Variants in PIK3CA observed in about 807,000 individuals in gnomAD.
The protein encoded by PIK3CA is phosphatidylinositol-4,5-bisphosphate 3-kinase catalytic subunit alpha, also known as phosphatidylinositol 4,5-bisphosphate 3-kinase catalytic subunit alpha isoform.
A neutral mutation model predicts 138.2 loss-of-function variants in PIK3CA; 27 were observed. The ratio of observed to expected loss-of-function variants is 0.20; its 90% confidence interval spans 0.14 to 0.27. PIK3CA has a LOEUF of 0.27. Ranked by LOEUF, PIK3CA falls within the 10% of genes least tolerant of loss-of-function variation. PIK3CA has a pLI of 1.00. For synonymous variants in PIK3CA, 358 were observed against 413.2 expected, an observed-to-expected ratio of 0.87 and a Z score of 1.62; for missense variants, 544 against 1,277.4, an observed-to-expected ratio of 0.43 and a Z score of 8.75.
chr3:179,211,170 G>C (rs1255298834), intron 9 of PIK3CA, among the ~76,000 whole-genome samples: 1 of 151,988 alleles, frequency 6.6e-6, no homozygotes, highest in African/African-American at 2.4e-5. Flanking sequence ...ATTATAAAAA[G>C]TTAAAATTTA....
chr3:179,154,709 A>T (rs1194008926), intron 1 of PIK3CA, among the ~76,000 whole-genome samples: 5 of 152,222 alleles, frequency 3.3e-5, no homozygotes, highest in African/African-American at 1.2e-4. Flanking sequence ...CACAAGTTGC[A>T]TAAAACTAGG....
intron 1 of PIK3CA, among the ~76,000 whole-genome samples, chr3:179,181,762 A>G (rs770757805): frequency 6.6e-6 from 1 of 152,186 alleles, no homozygotes; most frequent in Non-Finnish European, 1.5e-5. Context: ...TAAAGCACCT[A>G]TCAAAAGAGT....
intron 1 of PIK3CA, among the ~76,000 whole-genome samples, chr3:179,189,842 A>C (rs1462289987): frequency 6.6e-6 from 1 of 152,226 alleles, no homozygotes; most frequent in Non-Finnish European, 1.5e-5. Flanking sequence ...TCTCTCTAAA[A>C]GTGTGAGTTA....
intron 1 of PIK3CA, among the ~76,000 whole-genome samples, chr3:179,162,267 G>C (rs1233318836): frequency 6.6e-6 from 1 of 151,974 alleles, no homozygotes; most frequent in African/African-American, 2.4e-5. Flanking sequence ...GCCATATTAA[G>C]CCATCTTTGC....
intron 1 of PIK3CA, among the ~76,000 whole-genome samples, chr3:179,182,126 C>G (rs527368995): frequency 6.6e-6 from 1 of 152,138 alleles, no homozygotes. Context: ...AACTTTCTTA[C>G]GTCTTCCTCT....
chr3:179,196,619 G>T (rs1724271508), intron 1 of PIK3CA, among the ~76,000 whole-genome samples: 1 of 152,000 alleles, frequency 6.6e-6, no homozygotes, highest in African/African-American at 2.4e-5. Context: ...TTTTCGTGGG[G>T]GCTAAAAAGG....
intron 2 of PIK3CA, 63 bp from the exon 3 acceptor site, chr3:179,199,627 A>G (rs1197847767): frequency 1.6e-6 from 2 of 1,239,920 alleles, no homozygotes; most frequent in Admixed American, 4.0e-5. Context: ...CTGTTTGCAA[A>G]AAAAACATGT....
intron 1 of PIK3CA, among the ~76,000 whole-genome samples, chr3:179,194,421 T>G (rs1046103462): frequency 1.3e-5 from 2 of 152,036 alleles, no homozygotes; most frequent in African/African-American, 2.4e-5. Flanking sequence ...GATGGGGTCT[T>G]GAGCCCAGGC....
intron 1 of PIK3CA, chr3:179,149,574 A>G (rs563467189): frequency 1.3e-5 from 2 of 152,248 alleles, no homozygotes; most frequent in Non-Finnish European, 2.9e-5. Flanking sequence ...CATATTCTTT[A>G]ATGAATTAGA....
intron 6 of PIK3CA, among the ~76,000 whole-genome samples, chr3:179,204,826 C>G (rs1378212493): frequency 2.0e-5 from 3 of 151,114 alleles, no homozygotes; most frequent in Non-Finnish European, 4.4e-5. Flanking sequence ...TGAGACCAGT[C>G]TGGCCAAGAT....
intron 1 of PIK3CA, among the ~76,000 whole-genome samples, chr3:179,197,967 G>C (rs1337637187): frequency 1.3e-5 from 2 of 152,166 alleles, no homozygotes; most frequent in Non-Finnish European, 1.5e-5. Flanking sequence ...CTAACAGAGA[G>C]AGTCATGGAT....
rs2108413021 is a variant in PIK3CA at position 179,220,924 on chromosome 3, A to T, written c.2016-62A>T. ...TGAGTGTTTAAATTGTTTAGCAAAGATTATTTGTATACTGATTTAAGACTA... is the reference window on the plus strand; with the variant it reads ...TGAGTGTTTAAATTGTTTAGCAAAGTTTATTTGTATACTGATTTAAGACTA... On this transcript the variant is annotated intron_variant, in intron 13 of 20. Transcript: ENST00000263967. This position sits in a 1 kb window ranked among gnomAD's most constrained non-coding sequence, Gnocchi z 4.1. 1 of 964,542 alleles carries T rather than the reference A, an allele frequency of 1.0e-6. No individual in the cohort carries two copies. Among genetic ancestry groups the T allele is most frequent in the Non-Finnish European group, 1.4e-6 (1 of 689,816 alleles). The allele number at this position is 964,542 out of a possible 1,614,324, so 59.7% of individuals were successfully genotyped here.
intron 1 of PIK3CA, among the ~76,000 whole-genome samples, chr3:179,171,891 A>G (rs1282952067): frequency 6.6e-6 from 1 of 152,148 alleles, no homozygotes. Flanking sequence ...TTATGAGGAC[A>G]GTATTACTAG....
chr3:179,179,341 A>G (rs1275583064), intron 1 of PIK3CA, among the ~76,000 whole-genome samples: 2 of 152,196 alleles, frequency 1.3e-5, no homozygotes, highest in African/African-American at 2.4e-5. Flanking sequence ...ATGAATCCCA[A>G]CCTGTTGCAC....
intron 6 of PIK3CA, among the ~76,000 whole-genome samples, chr3:179,207,549 C>CT (rs199712520): frequency 0.043 from 6,083 of 141,370 alleles, 133 homozygotes; most frequent in Non-Finnish European, 0.049. Context: ...TTTTTCTTTT[C>CT]TTTTTTTTTT....
At chr3:179,210,129 T>C in intron 7 of PIK3CA, 57 bp from the exon 8 acceptor site, 1 of 1,306,760 alleles carries the variant, frequency 7.7e-7, no homozygotes, top group Non-Finnish European at 1.1e-6. Context: ...GGAAGAAAAG[T>C]GTTTTGAAAT....
chr3:179,230,520 C>T lies in PIK3CA; in HGVS notation c.2936+144C>T, dbSNP rs971266482. 2.7e-5 allele frequency: 18 copies of T among 666,976 alleles called. No homozygotes were observed. Among genetic ancestry groups the T allele is most frequent in the Middle Eastern group, 4.2e-4 (1 of 2,356 alleles). 41.3% of individuals were successfully genotyped at this position (666,976 alleles called of 1,614,324 possible). ...CTGTAATCCCAACTCTTTGGGAGGC[C>T]GAGGCTGGAGGATCACTTGAGCTCA... On this transcript the variant is annotated intron_variant, in intron 20 of 20. Transcript: ENST00000263967. This position sits in a 1 kb window ranked among gnomAD's most constrained non-coding sequence, Gnocchi z 5.4.
intron 1 of PIK3CA, chr3:179,169,029 T>G (rs1300756138): frequency 6.6e-6 from 1 of 152,196 alleles, no homozygotes; most frequent in South Asian, 2.1e-4. Flanking sequence ...AGATGTTTAT[T>G]TATTTTCCCA....
intron 9 of PIK3CA, among the ~76,000 whole-genome samples, chr3:179,213,655 T>C (rs1001108622): frequency 1.6e-4 from 24 of 152,130 alleles, no homozygotes; most frequent in African/African-American, 5.1e-4. Flanking sequence ...AGAACTTCTT[T>C]CAGATTTGGA....
Sources: gnomAD v4.1 joint callset for allele counts (sites outside exome capture counted in the v4.1 genomes callset) on GRCh38, gnomAD v4.1.1 for gene constraint, Gnocchi (gnomAD v3.1) non-coding constraint, MANE v1.5 for transcripts, NCBI Gene and HGNC (gene_info 2026-07-23, HGNC 2026-07-21) for gene names.